MYH11: variants seen among roughly 807,000 people sequenced by gnomAD.
The protein encoded by MYH11 is myosin heavy chain 11, also known as myosin-11.
Under a neutral mutation model 246.6 loss-of-function variants are expected in MYH11, and 80 were observed. That is an observed-to-expected ratio of 0.32 (90% CI 0.27 to 0.39). MYH11 has a LOEUF of 0.39. Ranked by LOEUF, MYH11 falls within the 10% of genes least tolerant of loss-of-function variation. The pLI is 1.00. For missense variants in MYH11, 2,158 were observed against 2,546.8 expected, an observed-to-expected ratio of 0.85 and a Z score of 3.29; for synonymous variants, 1,071 against 1,015.5, an observed-to-expected ratio of 1.05 and a Z score of -1.04.
intron 27 of MYH11, among the ~76,000 whole-genome samples, chr16:15,728,238 A>T (rs750101355): frequency 6.6e-6 from 1 of 152,174 alleles, no homozygotes; most frequent in African/African-American, 2.4e-5. Flanking sequence ...CAATCAATCA[A>T]TCAATAACTA....
intron 35 of MYH11, 100 bp downstream of exon 35, chr16:15,719,485 G>A (rs943785688): frequency 1.9e-6 from 3 of 1,579,118 alleles, no homozygotes; most frequent in East Asian, 2.2e-5. Flanking sequence ...GGACCCCAGA[G>A]GAGGACGAAA....
intron 3 of MYH11, among the ~76,000 whole-genome samples, chr16:15,811,736 G>T (rs1309462685): frequency 1.3e-5 from 2 of 152,074 alleles, no homozygotes; most frequent in Non-Finnish European, 2.9e-5. Flanking sequence ...AAAGTCGTTT[G>T]GATCACTCCA....
At chr16:15,715,556 T>A (rs147637668) in intron 38 of MYH11, among the ~76,000 whole-genome samples, 38 of 152,226 alleles carry the variant, frequency 2.5e-4, no homozygotes, top group African/African-American at 8.7e-4. Flanking sequence ...AATAGATAAA[T>A]TCATAGAGAC....
At chr16:15,753,540 T>A (rs1401990281) in intron 14 of MYH11, 32 bp from the exon 15 acceptor site, 2 of 1,569,034 alleles carry the variant, frequency 1.3e-6, no homozygotes, top group Non-Finnish European at 1.8e-6. Context: ...TCAGAACCCC[T>A]GGGAAACTAG....
At position 15,732,644 on chromosome 16, in the gene MYH11, C is replaced by T. The variant is rs1483689635; in HGVS notation, c.3571G>A (p.Glu1191Lys). ...TGCCTCATCTCCTGGACCTGAGCCT[C>T]ATGGGACCGCGTCTCTTCATCCAGG... ...KALDEETRSH[E>K]AQVQEMRQKH... The change falls in exon 27 of 41, where the codon GAG (glutamate) becomes AAG (lysine). Residue 1191 changes from glutamate to lysine, a missense_variant. Physicochemically the swap from Glu to Lys is moderately conservative, Grantham distance 56 (BLOSUM62 1). Transcript: ENST00000300036. 1.2e-6 allele frequency: 2 copies of T among 1,614,264 alleles called. No homozygotes were observed. The highest frequency in any genetic ancestry group is 1.7e-5 in the Admixed American group (1 of 60,036).
chr16:15,763,741 T>TGGCCCCCCCCCC, intron 10 of MYH11, 55 bp downstream of exon 10: 1 of 646,862 alleles, frequency 1.5e-6, no homozygotes, highest in African/African-American at 2.1e-5. Flanking sequence ...AAATGTCACC[T>TGGCCCCCCCCCC]CCCCCACCCC....
intron 7 of MYH11, among the ~76,000 whole-genome samples, chr16:15,777,824 G>A (rs1301051827): frequency 6.6e-6 from 1 of 152,088 alleles, no homozygotes; most frequent in Non-Finnish European, 1.5e-5. Context: ...CAGAAACTAG[G>A]TGCAATCACC....
intron 33 of MYH11, among the ~76,000 whole-genome samples, chr16:15,720,565 A>G (rs1183665750): frequency 1.3e-5 from 2 of 151,492 alleles, no homozygotes; most frequent in African/African-American, 4.9e-5. Flanking sequence ...CCTGGCCAAC[A>G]TGGTGAAACC....
intron 2 of MYH11, 108 bp from the exon 3 acceptor site, chr16:15,823,519 T>G (rs2043473667): frequency 1.0e-5 from 14 of 1,403,238 alleles, no homozygotes; most frequent in African/African-American, 1.4e-5. Context: ...GAGCTTGGAG[T>G]CTTAGTGGAA....
intron 2 of MYH11, among the ~76,000 whole-genome samples, chr16:15,837,076 C>T (rs892018303): frequency 2.6e-5 from 4 of 152,142 alleles, no homozygotes; most frequent in African/African-American, 9.7e-5. Flanking sequence ...CACGAGTGGC[C>T]AGTGGCTACC....
chr16:15,813,238 A>G (rs1047745894), intron 3 of MYH11, among the ~76,000 whole-genome samples: 1 of 152,050 alleles, frequency 6.6e-6, no homozygotes, highest in African/African-American at 2.4e-5. Flanking sequence ...CTGTAGTCTC[A>G]GCTACTTGGG....
intron 1 of MYH11, among the ~76,000 whole-genome samples, chr16:15,839,379 TA>T (rs1207572269): frequency 1.3e-5 from 2 of 152,074 alleles, no homozygotes; most frequent in Non-Finnish European, 2.9e-5. Context: ...GGTGCAAACG[TA>T]AGTGTGGTTA....
intron 28 of MYH11, 164 bp downstream of exon 28, chr16:15,726,684 A>T: frequency 1.2e-6 from 1 of 840,170 alleles, no homozygotes; most frequent in Non-Finnish European, 1.9e-6. Flanking sequence ...TTTTTTTAAT[A>T]TTTAATTGAA....
intron 3 of MYH11, among the ~76,000 whole-genome samples, chr16:15,803,912 G>C (rs1490539287): frequency 6.6e-6 from 1 of 152,148 alleles, no homozygotes; most frequent in Non-Finnish European, 1.5e-5. Flanking sequence ...CCACTTCCAG[G>C]CGTGGGAAGC....
At chr16:15,782,605 A>T in intron 5 of MYH11, 128 bp from the exon 6 acceptor site, 1 of 712,302 alleles carries the variant, frequency 1.4e-6, no homozygotes, top group South Asian at 1.5e-5. Flanking sequence ...ACCTCCTCTT[A>T]GACCCTGATG....
At chr16:15,752,439 T>C (rs2041596851) in intron 15 of MYH11, among the ~76,000 whole-genome samples, 1 of 152,016 alleles carries the variant, frequency 6.6e-6, no homozygotes, top group African/African-American at 2.4e-5. Context: ...GGATCATCTA[T>C]TCACTGGTTC....
intron 26 of MYH11, among the ~76,000 whole-genome samples, chr16:15,733,155 G>A (rs2041015483): frequency 1.3e-5 from 2 of 152,302 alleles, no homozygotes; most frequent in Non-Finnish European, 2.9e-5. Flanking sequence ...GAGAGGGTAA[G>A]CAGTTTTACC....
intron 3 of MYH11, among the ~76,000 whole-genome samples, chr16:15,802,610 G>A (rs771927472): frequency 6.6e-6 from 1 of 152,048 alleles, no homozygotes; most frequent in Non-Finnish European, 1.5e-5. Flanking sequence ...CAGCATGCCC[G>A]GCTAATTTTT....
intron 38 of MYH11, among the ~76,000 whole-genome samples, chr16:15,716,341 T>C (rs1169569628): frequency 6.6e-6 from 1 of 152,132 alleles, no homozygotes; most frequent in Non-Finnish European, 1.5e-5. Flanking sequence ...TTTAAATGGG[T>C]GCATTGCAGG....
Sources: gnomAD v4.1 joint callset for allele counts (sites outside exome capture counted in the v4.1 genomes callset) on GRCh38, gnomAD v4.1.1 for gene constraint, MANE v1.5 for transcripts, NCBI Gene and HGNC (gene_info 2026-07-23, HGNC 2026-07-21) for gene names.